PLEC: variants seen among roughly 807,000 people sequenced by gnomAD.
PLEC encodes the protein plectin.
PLEC carries 216 observed loss-of-function variants against 392.8 expected under a neutral mutation model. The observed-to-expected ratio is 0.55, with a 90% CI of 0.49 to 0.62. The LOEUF is 0.62. PLEC is among the 20% of genes least tolerant of loss of function. The pLI, the probability that PLEC is intolerant of heterozygous loss-of-function variation, is 0.00. For missense variants in PLEC, 6,863 were observed against 6,563.4 expected (o/e 1.05, Z -1.58); for synonymous variants, 3,621 against 2,980.6 (o/e 1.21, Z -7.00).
At position 143,921,704 on chromosome 8, in the gene PLEC, G is replaced by A. The variant is rs1026634250; in HGVS notation, c.8117C>T (p.Thr2706Ile). ...SSIAGLLLKA[T>I]NEKLSVYAAL... is the part of the protein sequence containing the mutation. ...GGCGTAAACACTCAGCTTCTCATTG[G>A]TGGCCTTCAGCAACAGCCCTGCGAT... The change falls in exon 32 of 32, where the codon ACC becomes ATC. Residue 2706 changes from threonine to isoleucine, a missense_variant. Physicochemically the swap from Thr to Ile is moderately conservative, Grantham distance 89 (BLOSUM62 -1). Transcript: ENST00000345136. 1.9e-6 allele frequency: 3 copies of A among 1,613,032 alleles called. No homozygotes were observed. The highest frequency in any genetic ancestry group is 2.5e-6 in the Non-Finnish European group (3 of 1,179,906).
intron 30 of PLEC, 131 bp from the exon 31 acceptor site, chr8:143,926,015 C>T: frequency 9.4e-7 from 1 of 1,068,974 alleles, no homozygotes; most frequent in Non-Finnish European, 1.4e-6. Context: ...AGGCCCCAGC[C>T]CGGCGGAGGA....
chr8:143,943,903 G>A (rs782338154), upstream of PLEC: 1 of 1,609,934 alleles, frequency 6.2e-7, no homozygotes, highest in Non-Finnish European at 8.5e-7. Flanking sequence ...CCGCCACGCG[G>A]AGCCGCCAGG....
In PLEC at chr8:143,923,567, G is replaced by C; in HGVS notation, c.6362C>G (p.Ala2121Gly). The C allele has an allele frequency of 6.3e-7, 1 of 1,596,926 alleles. No individual in the cohort carries two copies. Among genetic ancestry groups the C allele is most frequent in the Non-Finnish European group, 8.5e-7 (1 of 1,177,934 alleles). ...AGCCCGGGCCTGTGCCTGCTCCTCT[G>C]CCGACTGCTTCAGCCGCTCGGCCTC... ...VEEAERLKQS[A>G]EEQAQARAQA... Residue 2121 changes from alanine to glycine, a missense_variant, in exon 31 of 32, where the codon GCA becomes GGA. Ala to Gly is a moderately conservative substitution (Grantham distance 60). Transcript: ENST00000345136.
At chr8:143,973,913 G>T (rs1193714720), upstream of PLEC, among the ~76,000 whole-genome samples, 1 of 152,068 alleles carries the variant, frequency 6.6e-6, no homozygotes, top group African/African-American at 2.4e-5. The surrounding 1 kb of genome is among the most constrained non-coding windows in gnomAD (Gnocchi z 5.6). Flanking sequence ...GGAGACGACT[G>T]AGTCGGTATA....
Position 143,921,772 on chromosome 8 carries a change from T to C in PLEC, c.8049A>G (p.Ala2683=). The change falls in exon 32 of 32, where the codon GCA becomes GCG. Residue 2683 remains alanine (A), a synonymous_variant. Transcript: ENST00000345136. The part of the protein sequence containing the change: ...AQGHTTVDEL[A]RREDVRHYLQ... ...GGTAGTGGCGCACGTCTTCCCGCCG[T>C]GCGAGCTCGTCCACCGTGGTGTGGC... 6.2e-7 allele frequency: 1 copy of C among 1,611,744 alleles called. No individual in the cohort carries two copies.
chr8:143,921,996 G>A lies in PLEC; in HGVS notation c.7825C>T (p.Leu2609=). 6.3e-7 allele frequency: 1 copy of A among 1,598,384 alleles called. No homozygotes were observed. The highest frequency in any genetic ancestry group is 8.5e-7 in the Non-Finnish European group (1 of 1,179,682). Reference sequence around the variant, plus strand: ...GCAGTGACCTCCTCTGAGTGCGCCAGCGCGGCCCGGTGCTGCTCCTCCAGG... The same window carrying A: ...GCAGTGACCTCCTCTGAGTGCGCCAACGCGGCCCGGTGCTGCTCCTCCAGG... ...QLLEEQHRAA[L]AHSEEVTASQ... Residue 2609 remains leucine (L), a synonymous_variant, in exon 32 of 32, where the codon CTG becomes TTG. Transcript: ENST00000345136.
rs1281399891 is a variant in PLEC at position 143,969,736 on chromosome 8, C to T, written c.70+3667G>A. On this transcript the variant is annotated intron_variant, in intron 1 of 31. Transcript: ENST00000356346. This position sits in a 1 kb window ranked among gnomAD's most constrained non-coding sequence, Gnocchi z 5.1. Reference sequence around the variant, plus strand: ...CCGGGGAGTGGGGAGTGGGGCCAGCCGGGGGCCTGGGCAGCTGGGGATAGA... The same window carrying T: ...CCGGGGAGTGGGGAGTGGGGCCAGCTGGGGGCCTGGGCAGCTGGGGATAGA... Among the ~76,000 whole-genome samples the T allele has an allele frequency of 1.3e-5, 2 of 151,554 alleles. No homozygotes were observed. The highest frequency in any genetic ancestry group is 1.9e-4 in the East Asian group (1 of 5,162).
At chr8:143,944,553 G>A, upstream of PLEC, 2 of 689,378 alleles carry the variant, frequency 2.9e-6, no homozygotes, top group Middle Eastern at 2.7e-4. Flanking sequence ...GCGAGGGACA[G>A]CGCCCCTGGC....
At chr8:143,973,586 G>C (rs1422621715), upstream of PLEC, 1 of 945,706 alleles carries the variant, frequency 1.1e-6, no homozygotes, top group South Asian at 4.8e-5. This position sits in a 1 kb window ranked among gnomAD's most constrained non-coding sequence, Gnocchi z 5.6. Flanking sequence ...CCCCCGCCCC[G>C]CCCCCGCACC....
Position 143,921,937 on chromosome 8 carries a change from A to G in PLEC, c.7884T>C (p.Asn2628=), listed in dbSNP as rs781857756. The part of the protein sequence containing the change: ...SQVAATKTLP[N]GRDALDGPAA... Reference sequence around the variant, plus strand: ...CGGGGCCATCAAGTGCATCCCGGCCATTGGGCAGGGTCTTTGTGGCAGCCA... The same window carrying G: ...CGGGGCCATCAAGTGCATCCCGGCCGTTGGGCAGGGTCTTTGTGGCAGCCA... The change falls in exon 32 of 32, where the codon AAT becomes AAC. Residue 2628 remains asparagine, a synonymous_variant. Transcript: ENST00000345136. 2.5e-6 allele frequency: 4 copies of G among 1,599,198 alleles called. No individual in the cohort carries two copies. The East Asian group carries it at 6.7e-5, about 27-fold the overall frequency.
chr8:143,947,080 C>A (rs1831581983), intron 1 of PLEC, among the ~76,000 whole-genome samples: 1 of 152,226 alleles, frequency 6.6e-6, no homozygotes, highest in African/African-American at 2.4e-5. Context: ...AAACGGGTGA[C>A]TCGGCCAAGC....
chr8:143,950,373 G>T, exon 1 of PLEC: 3 of 1,594,208 alleles, frequency 1.9e-6, no homozygotes, highest in Non-Finnish European at 2.6e-6. Context: ...TGGGGGGTGC[G>T]GCGTGCGGGC....
At chr8:143,944,027 C>T (rs575114761), upstream of PLEC, 6 of 1,345,602 alleles carry the variant, frequency 4.5e-6, no homozygotes, top group Admixed American at 9.2e-5. Context: ...CGCAGGACCG[C>T]CCCATACGCG....
At chr8:143,954,312 C>T (rs1183184426), upstream of PLEC, among the ~76,000 whole-genome samples, 5 of 146,652 alleles carry the variant, frequency 3.4e-5, no homozygotes, top group African/African-American at 7.9e-5. This position sits in a 1 kb window ranked among gnomAD's most constrained non-coding sequence, Gnocchi z 4.6. Flanking sequence ...CCCACCTCCC[C>T]GGCCCCAGCA....
Position 143,927,346 on chromosome 8 carries a change from G to A in PLEC, c.3757-11C>T. 1.2e-6 allele frequency: 2 copies of A among 1,612,518 alleles called. No homozygotes were observed. The highest frequency in any genetic ancestry group is 1.7e-6 in the Non-Finnish European group (2 of 1,179,822). ...CTCCTCCAGCAGGGCCTGGGTGATGGTGTGGTCAGAGCCGTGGCCGCAGGG... is the reference window on the plus strand; with the variant it reads ...CTCCTCCAGCAGGGCCTGGGTGATGATGTGGTCAGAGCCGTGGCCGCAGGG... On this transcript the variant is annotated splice_polypyrimidine_tract_variant and intron_variant, in intron 27 of 31. Transcript: ENST00000345136.
At position 143,919,604 on chromosome 8, in the gene PLEC, C is replaced by A. The variant is rs782495077; in HGVS notation, c.10217G>T (p.Arg3406Leu). The A allele has an allele frequency of 6.3e-7, 1 of 1,590,380 alleles. No homozygotes were observed. The change falls in exon 32 of 32, where the codon CGC becomes CTC. Residue 3406 changes from arginine to leucine, a missense_variant. Coordinates refer to ENST00000345136, the MANE Select transcript of PLEC (RefSeq NM_201384.3). ...CTTCACGGCCTCGTGGACATACAGG[C>A]GCTGGTTCCGCACGGGGTCCACCAG... is the stretch of plus-strand genomic sequence containing the variant. ...GFLVDPVRNQ[R>L]LYVHEAVKAG...
Position 143,919,191 on chromosome 8 carries a change from T to C in PLEC, c.10630A>G (p.Lys3544Glu), listed in dbSNP as rs371181414. 4 of 1,613,558 alleles carry C rather than the reference T, an allele frequency of 2.5e-6. No homozygotes were observed. Among genetic ancestry groups the C allele is most frequent in the Non-Finnish European group, 3.4e-6 (4 of 1,179,982 alleles). ...PETGLRLLPL[K>E]GAEKAEVVET... Reference sequence around the variant, plus strand: ...ACCACCTCAGCCTTCTCCGCCCCTTTCAGTGGCAGAAGGCGCAAGCCCGTC... The same window carrying C: ...ACCACCTCAGCCTTCTCCGCCCCTTCCAGTGGCAGAAGGCGCAAGCCCGTC... The change falls in exon 32 of 32, where the codon AAA becomes GAA. Residue 3544 changes from lysine (K) to glutamate (E), a missense_variant. Transcript: ENST00000345136.
Position 143,931,942 on chromosome 8 carries a change from A to AGTAGGCAGC in PLEC, c.2164_2172dup (p.Ala722_Tyr724dup). 1.2e-6 allele frequency: 2 copies of AGTAGGCAGC among 1,605,702 alleles called. No individual in the cohort carries two copies. Among genetic ancestry groups the AGTAGGCAGC allele is most frequent in the Non-Finnish European group, 1.7e-6 (2 of 1,177,244 alleles). ...GAGGGGGCTCCGGTTCTCACCTGAAAGTAGGCAGCGTTCTCCTTCAGGTGT... is the reference window on the plus strand; with the variant it reads ...GAGGGGGCTCCGGTTCTCACCTGAAAGTAGGCAGCGTAGGCAGCGTTCTCCTTCAGGTGT... On this transcript the variant is annotated inframe_insertion, in exon 18 of 32. Coordinates refer to ENST00000345136, the MANE Select transcript of PLEC (RefSeq NM_201384.3).
intron 1 of PLEC, among the ~76,000 whole-genome samples, chr8:143,962,907 A>T (rs1832932402): frequency 6.6e-6 from 1 of 152,240 alleles, no homozygotes; most frequent in South Asian, 2.1e-4. Flanking sequence ...GATTTGGGAT[A>T]TCTGCAGCCT....
Sources: allele counts gnomAD v4.1 joint callset (sites outside exome capture counted in the v4.1 genomes callset), GRCh38; gene constraint gnomAD v4.1.1; non-coding constraint Gnocchi (gnomAD v3.1); transcripts MANE v1.5; gene names NCBI Gene and HGNC (gene_info 2026-07-23, HGNC 2026-07-21).